The following SUFU variants were observed in gnomAD, a reference collection of about 807,000 sequenced individuals.
SUFU encodes SUFU negative regulator of hedgehog signaling.
In SUFU, 7 loss-of-function variants were observed where a neutral mutation model predicts 58.9. The observed-to-expected ratio is 0.12, with a 90% CI of 0.07 to 0.22. The LOEUF (loss-of-function observed/expected upper bound fraction) is 0.22, where lower values mean the gene tolerates loss of function less well. Among genes scored for constraint, SUFU ranks in the 10% least tolerant of loss-of-function variants. SUFU has a pLI of 1.00. For missense variants in SUFU, 451 were observed against 641.3 expected (o/e 0.70, Z 3.20); for synonymous variants, 232 against 254.8 (o/e 0.91, Z 0.85).
At chr10:102,601,385 A>G (rs1424153622) in intron 8 of SUFU, among the ~76,000 whole-genome samples, 1 of 152,150 alleles carries the variant, frequency 6.6e-6, no homozygotes, top group Non-Finnish European at 1.5e-5. Context: ...TTCTCTGTAA[A>G]CATAAGGCAG....
In SUFU at chr10:102,516,097, A is replaced by G. The variant is rs540395806; in HGVS notation, c.317+6794A>G. Among the ~76,000 whole-genome samples, 29 of 139,158 alleles carry G rather than the reference A, an allele frequency of 2.1e-4. 1 individual carries two copies. The South Asian group carries it at 6.3e-3, about 30-fold the overall frequency. The allele number at this position is 139,158 out of a possible 152,430, so 91.3% of individuals were successfully genotyped here. ...TGTGAATTTTTAAATGTTGAGGAGAATTTCTTTTCTTTTTCTTTCTTTCTT... is the reference window on the plus strand; with the variant it reads ...TGTGAATTTTTAAATGTTGAGGAGAGTTTCTTTTCTTTTTCTTTCTTTCTT... On this transcript the variant is annotated intron_variant, in intron 2 of 11. Coordinates refer to ENST00000369902, the MANE Select transcript of SUFU (RefSeq NM_016169.4).
At chr10:102,512,741 C>T (rs776619436) in intron 2 of SUFU, among the ~76,000 whole-genome samples, 1 of 152,104 alleles carries the variant, frequency 6.6e-6, no homozygotes, top group Non-Finnish European at 1.5e-5. Context: ...AGATATTTAC[C>T]CAGTTCTGGT....
chr10:102,605,082 C>T (rs1378679700), intron 8 of SUFU, among the ~76,000 whole-genome samples: 1 of 151,982 alleles, frequency 6.6e-6, no homozygotes, highest in African/African-American at 2.4e-5. Context: ...CCACGTCCAG[C>T]TAATTTTTGT....
rs2063830269 is a variant in SUFU at position 102,630,708 on chromosome 10, G to C, written c.*553G>C. 7.1e-6 allele frequency: 2 copies of C among 281,382 alleles called. No individual in the cohort carries two copies. The highest frequency in any genetic ancestry group is 5.0e-5 in the East Asian group (1 of 20,058). The allele number at this position is 281,382 out of a possible 1,614,324, so 17.4% of individuals were successfully genotyped here. ...TTTTATTGCTCTGCAAAGATGTCCA[G>C]AAGCCATGTATATAATGTTTTTTAA... On this transcript the variant is annotated 3_prime_UTR_variant, in exon 12 of 12. Coordinates refer to ENST00000369902, the MANE Select transcript of SUFU (RefSeq NM_016169.4).
At chr10:102,573,035 G>T in intron 3 of SUFU, 1 of 940,784 alleles carries the variant, frequency 1.1e-6, no homozygotes, top group Non-Finnish European at 1.7e-6. Context: ...TCCGGGGTTG[G>T]TCTTCTGAGG....
At chr10:102,596,591 T>C (rs967424376) in intron 6 of SUFU, among the ~76,000 whole-genome samples, 2 of 152,206 alleles carry the variant, frequency 1.3e-5, no homozygotes, top group African/African-American at 4.8e-5. Flanking sequence ...TCTAGGGAAG[T>C]CCAGCCTTTG....
chr10:102,559,686 C>T (rs1020546491), intron 3 of SUFU, among the ~76,000 whole-genome samples: 12 of 152,126 alleles, frequency 7.9e-5, no homozygotes, highest in African/African-American at 2.9e-4. Context: ...TTACTCTTCC[C>T]CTGCCCCCCA....
At chr10:102,590,306 C>T (rs2063385473) in intron 3 of SUFU, among the ~76,000 whole-genome samples, 2 of 151,886 alleles carry the variant, frequency 1.3e-5, no homozygotes, top group Admixed American at 1.3e-4. Flanking sequence ...GCTGGGATTA[C>T]AGGCGCCTTC....
At chr10:102,559,545 T>C (rs2135768592) in intron 3 of SUFU, among the ~76,000 whole-genome samples, 1 of 152,356 alleles carries the variant, frequency 6.6e-6, no homozygotes, top group Middle Eastern at 3.4e-3. Flanking sequence ...TTGGAAAGTT[T>C]TGCAATAAAT....
chr10:102,518,300 A>G (rs923726279), intron 2 of SUFU, among the ~76,000 whole-genome samples: 1 of 152,208 alleles, frequency 6.6e-6, no homozygotes, highest in Non-Finnish European at 1.5e-5. Context: ...GAACTGGGAT[A>G]TAAACCCAGG....
At chr10:102,624,708 ACT>A in intron 10 of SUFU, among the ~76,000 whole-genome samples, 1 of 152,214 alleles carries the variant, frequency 6.6e-6, no homozygotes, top group South Asian at 2.1e-4. Context: ...AGCCACCATA[ACT>A]CACCCTCTCC....
intron 2 of SUFU, among the ~76,000 whole-genome samples, chr10:102,525,087 C>T (rs1334809996): frequency 6.6e-6 from 1 of 152,068 alleles, no homozygotes; most frequent in South Asian, 2.1e-4. Context: ...ATTGTCTGAA[C>T]CTTGCTTTAT....
At chr10:102,612,170 TGTGTGTGTGTGTGTGTGTGTGTG>T (rs1590078777) in intron 8 of SUFU, among the ~76,000 whole-genome samples, 2 of 628 alleles carry the variant, frequency 3.2e-3, no homozygotes, top group East Asian at 0.059. Context: ...ACTGGGTTCT[TGTGTGTGTGTGTGTGTGTGTGTG>T]TGTGTGTGTG....
chr10:102,581,576 T>C (rs2063280831), intron 3 of SUFU, among the ~76,000 whole-genome samples: 1 of 152,174 alleles, frequency 6.6e-6, no homozygotes, highest in Non-Finnish European at 1.5e-5. Flanking sequence ...CAGTCCACCA[T>C]GGCCGCAGCA....
chr10:102,606,589 TTG>T, intron 8 of SUFU, among the ~76,000 whole-genome samples: 1 of 152,122 alleles, frequency 6.6e-6, no homozygotes, highest in Non-Finnish European at 1.5e-5. Context: ...TCACTGAGTA[TTG>T]CCTGTAAAAG....
chr10:102,623,665 C>T (rs904427340), intron 10 of SUFU, among the ~76,000 whole-genome samples: 4 of 152,148 alleles, frequency 2.6e-5, no homozygotes, highest in Non-Finnish European at 5.9e-5. Context: ...TTGAGCCAGG[C>T]GTGGTGGCTC....
chr10:102,620,877 G>GCGGT (rs2063734200), intron 10 of SUFU, among the ~76,000 whole-genome samples: 1 of 152,220 alleles, frequency 6.6e-6, no homozygotes, highest in Admixed American at 6.5e-5. Context: ...CTCAGCCCCA[G>GCGGT]CGGTCACATA....
intron 2 of SUFU, among the ~76,000 whole-genome samples, chr10:102,522,458 G>A (rs1012882287): frequency 1.3e-5 from 2 of 152,106 alleles, no homozygotes; most frequent in Non-Finnish European, 2.9e-5. Context: ...TCTTTCTTGG[G>A]TGCGTGGTAC....
intron 3 of SUFU, among the ~76,000 whole-genome samples, chr10:102,564,089 A>G (rs1203097233): frequency 6.6e-6 from 1 of 152,208 alleles, no homozygotes; most frequent in Non-Finnish European, 1.5e-5. Flanking sequence ...CAGATCCAAG[A>G]GGGAGATCAG....
Sources: gnomAD v4.1 joint callset for allele counts (sites outside exome capture counted in the v4.1 genomes callset) on GRCh38, gnomAD v4.1.1 for gene constraint, MANE v1.5 for transcripts, NCBI Gene and HGNC (gene_info 2026-07-23, HGNC 2026-07-21) for gene names.